CAMTA1: variants seen among roughly 807,000 people sequenced by gnomAD.
CAMTA1 encodes the protein calmodulin-binding transcription activator 1.
Under a neutral mutation model 170.9 loss-of-function variants are expected in CAMTA1, and 27 were observed. The observed-to-expected ratio is 0.16, with a 90% CI of 0.12 to 0.22. CAMTA1 has a LOEUF of 0.22. Ranked by LOEUF, CAMTA1 falls within the 10% of genes least tolerant of loss-of-function variation. The pLI is 1.00. For synonymous variants in CAMTA1, 833 were observed against 891.5 expected, an observed-to-expected ratio of 0.93 and a Z score of 1.17; for missense variants, 1,619 against 2,217.2, an observed-to-expected ratio of 0.73 and a Z score of 5.42.
At chr1:7,618,831 A>G (rs760978508) in intron 6 of CAMTA1, among the ~76,000 whole-genome samples, 1 of 152,190 alleles carries the variant, frequency 6.6e-6, no homozygotes, top group Non-Finnish European at 1.5e-5. Context: ...ACTCAGCCCA[A>G]TTGCAAATGC....
intron 6 of CAMTA1, among the ~76,000 whole-genome samples, chr1:7,474,670 C>T (rs559195409): frequency 7.2e-5 from 11 of 152,364 alleles, no homozygotes; most frequent in South Asian, 2.1e-4. Flanking sequence ...GCAGGAGCCC[C>T]GCTGGTACAG....
At chr1:6,801,104 A>G (rs939789207) in intron 1 of CAMTA1, among the ~76,000 whole-genome samples, 9 of 152,292 alleles carry the variant, frequency 5.9e-5, no homozygotes, top group African/African-American at 1.9e-4. Flanking sequence ...CTTTCTTCCT[A>G]GGGGTCCTCC....
chr1:7,271,919 CAG>C (rs1669867750), intron 5 of CAMTA1, among the ~76,000 whole-genome samples: 1 of 152,004 alleles, frequency 6.6e-6, no homozygotes, highest in Non-Finnish European at 1.5e-5. Context: ...CAAGAAGAAA[CAG>C]AGAATCCGAA....
rs151070718 is a variant in CAMTA1 at position 7,020,045 on chromosome 1, T to G, written c.235-71259T>G. Among the ~76,000 whole-genome samples, 483 of 152,384 alleles carry G rather than the reference T, an allele frequency of 3.2e-3. 4 individuals carry two copies. Among genetic ancestry groups the G allele is most frequent in the African/African-American group, 0.011 (461 of 41,600 alleles). Reference sequence around the variant, plus strand: ...TGCCTGAAGCCAATGCTGGCATGGCTGGGCTGCCTGTTTCTCCAGGAGGGC... The same window carrying G: ...TGCCTGAAGCCAATGCTGGCATGGCGGGGCTGCCTGTTTCTCCAGGAGGGC... On this transcript the variant is annotated intron_variant, in intron 3 of 22. Coordinates refer to ENST00000303635, the MANE Select transcript of CAMTA1 (RefSeq NM_015215.4).
intron 3 of CAMTA1, among the ~76,000 whole-genome samples, chr1:6,952,962 A>T (rs1053518797): frequency 1.3e-5 from 2 of 152,198 alleles, no homozygotes; most frequent in Non-Finnish European, 2.9e-5. Context: ...CGTGGTGGAC[A>T]CTGGGTTCTG....
intron 5 of CAMTA1, among the ~76,000 whole-genome samples, chr1:7,264,001 G>A (rs1161932951): frequency 5.9e-5 from 9 of 152,194 alleles, no homozygotes; most frequent in Admixed American, 5.9e-4. Flanking sequence ...ATGAGGGGAT[G>A]TGTGGGTTAA....
At chr1:7,389,199 A>C (rs961468028) in intron 5 of CAMTA1, 1 of 152,548 alleles carries the variant, frequency 6.6e-6, no homozygotes, top group African/African-American at 2.4e-5. Flanking sequence ...TCTCTTCTCT[A>C]GCCTGTTGCC....
chr1:6,885,866 C>T (rs946603022), intron 3 of CAMTA1, among the ~76,000 whole-genome samples: 3 of 152,152 alleles, frequency 2.0e-5, no homozygotes, highest in Non-Finnish European at 2.9e-5. Flanking sequence ...CTTCTCTGCA[C>T]GAGTCCTTCC....
intron 6 of CAMTA1, among the ~76,000 whole-genome samples, chr1:7,498,624 G>T (rs894279803): frequency 1.3e-5 from 2 of 151,304 alleles, no homozygotes; most frequent in East Asian, 3.9e-4. Flanking sequence ...TGTGCAGTGT[G>T]TGTATGAGTG....
At chr1:7,715,872 T>G (rs1311585557) in intron 11 of CAMTA1, among the ~76,000 whole-genome samples, 2 of 152,220 alleles carry the variant, frequency 1.3e-5, no homozygotes, top group Non-Finnish European at 2.9e-5. Flanking sequence ...ATCCTGACAC[T>G]ACTCGGAAGA....
intron 3 of CAMTA1, among the ~76,000 whole-genome samples, chr1:7,084,335 A>C (rs1417444210): frequency 6.6e-6 from 1 of 152,084 alleles, no homozygotes; most frequent in East Asian, 1.9e-4. Context: ...GCTTTTTCTA[A>C]GGGCTGCTCC....
intron 6 of CAMTA1, among the ~76,000 whole-genome samples, chr1:7,480,125 G>C (rs2093492271): frequency 6.7e-6 from 1 of 148,968 alleles, no homozygotes; most frequent in African/African-American, 2.5e-5. Flanking sequence ...GTGTGTGTGA[G>C]TATGTGTGTG....
chr1:6,883,036 G>A (rs1199547498), intron 3 of CAMTA1, among the ~76,000 whole-genome samples: 1 of 152,140 alleles, frequency 6.6e-6, no homozygotes, highest in Non-Finnish European at 1.5e-5. Context: ...TGGGATTACA[G>A]GTGTGTGCCA....
intron 8 of CAMTA1, among the ~76,000 whole-genome samples, chr1:7,662,458 T>C (rs2095968447): frequency 6.6e-6 from 1 of 152,072 alleles, no homozygotes; most frequent in African/African-American, 2.4e-5. Flanking sequence ...CTTGGTGCAT[T>C]GAGGAGTCTT....
intron 5 of CAMTA1, among the ~76,000 whole-genome samples, chr1:7,464,796 C>T (rs910120524): frequency 1.3e-5 from 2 of 151,992 alleles, no homozygotes; most frequent in Non-Finnish European, 2.9e-5. Context: ...CATAAGCTCT[C>T]AGCCCACACA....
intron 4 of CAMTA1, among the ~76,000 whole-genome samples, chr1:7,212,433 G>C (rs1042748532): frequency 6.6e-6 from 1 of 151,900 alleles, no homozygotes; most frequent in Non-Finnish European, 1.5e-5. Context: ...TTTCTTTGCT[G>C]AGATAAGCAG....
chr1:6,991,213 C>CT (rs1415583833), intron 3 of CAMTA1, among the ~76,000 whole-genome samples: 2 of 152,072 alleles, frequency 1.3e-5, no homozygotes, highest in African/African-American at 4.8e-5. Flanking sequence ...TTGTACAAGT[C>CT]TTTTTTGGGG....
At position 7,664,949 on chromosome 1, in the gene CAMTA1, C is replaced by T. The variant is rs752101917; in HGVS notation, c.2402C>T (p.Thr801Met). 23 of 1,612,840 alleles carry T rather than the reference C, an allele frequency of 1.4e-5. No individual in the cohort carries two copies. The East Asian group carries it at 1.6e-4, about 11-fold the overall frequency. ...CACCAGCTGGTGTCGGGGGACAGCA[C>T]GGCGCTCTCACAGTCAGAGGACGGG... ...YGHQLVSGDS[T>M]ALSQSEDGAR... Residue 801 changes from threonine (T) to methionine (M), a missense_variant, in exon 9 of 23, where the codon ACG becomes ATG. By Grantham distance (81) the Thr-to-Met change is moderately conservative. Around this residue, in one of 8 missense-constraint regions of CAMTA1, gnomAD observed 731 missense variants for 907.6 expected, o/e 0.81. Coordinates refer to ENST00000303635, the MANE Select transcript of CAMTA1 (RefSeq NM_015215.4).
chr1:7,324,501 TTTG>T (rs2149703860), intron 5 of CAMTA1, among the ~76,000 whole-genome samples: 1 of 152,326 alleles, frequency 6.6e-6, no homozygotes, highest in African/African-American at 2.4e-5. Context: ...GCACTTTCCA[TTTG>T]TTGTGTTTTT....
Sources: allele counts gnomAD v4.1 joint callset (sites outside exome capture counted in the v4.1 genomes callset), GRCh38; gene constraint gnomAD v4.1.1; regional missense constraint gnomAD v4.1.1; transcripts MANE v1.5; gene names NCBI Gene and HGNC (gene_info 2026-07-23, HGNC 2026-07-21).